SMARCB1: variants seen among roughly 807,000 people sequenced by gnomAD.
SMARCB1 encodes SWI/SNF related BAF chromatin remodeling complex subunit B1.
In SMARCB1, 5 loss-of-function variants were observed where a neutral mutation model predicts 49.0. That is an observed-to-expected ratio of 0.10 (90% CI 0.05 to 0.21). The LOEUF is 0.21. SMARCB1 is among the 10% of genes least tolerant of loss of function. The pLI, the probability that SMARCB1 is intolerant of heterozygous loss-of-function variation, is 1.00. For synonymous variants in SMARCB1, 201 were observed against 200.1 expected (o/e 1.00, Z -0.04); for missense variants, 226 against 509.2 (o/e 0.44, Z 5.35).
rs60395755 is a variant in SMARCB1 at position 23,837,334 on chromosome 22, C to T, written c.*3154C>T. On this transcript the variant is annotated 3_prime_UTR_variant, in exon 9 of 9. Coordinates refer to ENST00000644036, the MANE Select transcript of SMARCB1 (RefSeq NM_003073.5). ...GGCCGTGAAGGACAAGCTTAAAAGG[C>T]CCAGAAGCAGGCAGGACCCAGGGAG... 1.8e-3 allele frequency: 1,432 copies of T among 813,902 alleles called. 13 individuals are homozygous for T. The African/African-American group carries it at 0.021, about 12-fold the overall frequency. 50.4% of individuals were successfully genotyped at this position (813,902 alleles called of 1,614,324 possible).
At chr22:23,833,154 ATC>A (rs1363662102) in intron 7 of SMARCB1, among the ~76,000 whole-genome samples, 2 of 152,028 alleles carry the variant, frequency 1.3e-5, no homozygotes, top group African/African-American at 2.4e-5. Flanking sequence ...CCTTTCCCTG[ATC>A]AGTGGGCCCT....
intron 5 of SMARCB1, among the ~76,000 whole-genome samples, chr22:23,805,156 G>A (rs561141650): frequency 3.3e-5 from 5 of 152,324 alleles, no homozygotes; most frequent in African/African-American, 1.2e-4. Flanking sequence ...GCTCAGCCCT[G>A]AGAAGAAGGC....
At chr22:23,788,169 C>T (rs1928132727) in intron 1 of SMARCB1, among the ~76,000 whole-genome samples, 1 of 152,122 alleles carries the variant, frequency 6.6e-6, no homozygotes, top group South Asian at 2.1e-4. Context: ...CCACCACACC[C>T]GGCCATATAT....
At chr22:23,796,830 G>C (rs1928778604) in intron 3 of SMARCB1, among the ~76,000 whole-genome samples, 1 of 152,110 alleles carries the variant, frequency 6.6e-6, no homozygotes, top group Non-Finnish European at 1.5e-5. Flanking sequence ...TTTAGGGGTG[G>C]GGGCTGGCAG....
intron 5 of SMARCB1, chr22:23,803,724 A>C: frequency 2.1e-6 from 1 of 468,008 alleles, no homozygotes; most frequent in Non-Finnish European, 4.0e-6. Context: ...AGTCAGACCT[A>C]GTTCAGCCCC....
At chr22:23,787,319 C>G (rs1928056621) in intron 1 of SMARCB1, 57 bp downstream of exon 1, 2 of 1,093,396 alleles carry the variant, frequency 1.8e-6, no homozygotes, top group Admixed American at 1.9e-5. Flanking sequence ...AGCCCCGGGG[C>G]GGGCCCATGC....
Position 23,834,897 on chromosome 22 carries a change from C to G in SMARCB1, c.*717C>G, listed in dbSNP as rs1256463091. The G allele has an allele frequency of 3.7e-6, 6 of 1,611,896 alleles. No homozygotes were observed. The Middle Eastern group carries it at 6.6e-4, about 178-fold the overall frequency. On this transcript the variant is annotated 3_prime_UTR_variant, in exon 9 of 9. Coordinates refer to ENST00000644036, the MANE Select transcript of SMARCB1 (RefSeq NM_003073.5). The stretch of plus-strand genomic sequence containing the variant: ...GCTCTGCTGTGTCCAGATGGTCAGG[C>G]TACTGCCAGCTGGGGCCTTGCTGCT...
At chr22:23,793,516 A>G (rs201689575) in intron 2 of SMARCB1, 43 bp from the exon 3 acceptor site, 10 of 1,611,388 alleles carry the variant, frequency 6.2e-6, no homozygotes, top group South Asian at 2.2e-5. Flanking sequence ...GCTGTGTGCC[A>G]CCGCCACCAG....
intron 3 of SMARCB1, among the ~76,000 whole-genome samples, chr22:23,794,747 A>T (rs1928631755): frequency 6.6e-6 from 1 of 152,110 alleles, no homozygotes; most frequent in Non-Finnish European, 1.5e-5. Context: ...AAAAATACAA[A>T]ATTAGCCAGG....
chr22:23,821,228 G>C (rs531468506), intron 6 of SMARCB1, among the ~76,000 whole-genome samples: 4 of 152,360 alleles, frequency 2.6e-5, no homozygotes, highest in Non-Finnish European at 4.4e-5. Context: ...GGTCAGACCA[G>C]ATGTCACAGG....
intron 3 of SMARCB1, among the ~76,000 whole-genome samples, chr22:23,798,348 G>A (rs954732092): frequency 6.6e-6 from 1 of 152,280 alleles, no homozygotes; most frequent in African/African-American, 2.4e-5. Flanking sequence ...AGGATTGCTT[G>A]AGCCCAGGAG....
chr22:23,834,047 C>T, intron 8 of SMARCB1, 94 bp from the exon 9 acceptor site: 1 of 1,352,552 alleles, frequency 7.4e-7, no homozygotes, highest in Non-Finnish European at 1.0e-6. Context: ...TCTGTTCCCA[C>T]CCCTACACTT....
At position 23,808,939 on chromosome 22, in the gene SMARCB1, C is replaced by T. The variant is rs1255233833; in HGVS notation, c.628+5517C>T. The stretch of plus-strand genomic sequence containing the variant: ...CCTTGAACTCCCACCTCAGGTGATC[C>T]ACCCACCCTCGGCCTCCTAAAGTGC... On this transcript the variant is annotated intron_variant, in intron 5 of 8. Coordinates refer to ENST00000644036, the MANE Select transcript of SMARCB1 (RefSeq NM_003073.5). Among the ~76,000 whole-genome samples, 3 of 151,816 alleles carry T rather than the reference C, an allele frequency of 2.0e-5. No individual in the cohort carries two copies. In the East Asian group the frequency reaches 5.9e-4, roughly 30 times the overall value.
chr22:23,799,786 G>A (rs1362932388), intron 3 of SMARCB1, among the ~76,000 whole-genome samples: 1 of 146,614 alleles, frequency 6.8e-6, no homozygotes, highest in Non-Finnish European at 1.5e-5. Flanking sequence ...CCGGGTTCAC[G>A]CCATTCTCCT....
chr22:23,800,989 C>A lies in SMARCB1; in HGVS notation c.408C>A (p.Pro136=). The change falls in exon 4 of 9, where the codon CCC becomes CCA. Residue 136 remains proline, a synonymous_variant. Coordinates refer to ENST00000644036, the MANE Select transcript of SMARCB1 (RefSeq NM_003073.5). The part of the protein sequence containing the change: ...KRNSQWVPTL[P]NSSHHLDAVP... Reference sequence around the variant, plus strand: ...ACAGCCAGTGGGTACCCACCCTGCCCAACAGCTCCCACCACTTAGATGCCG... The same window carrying A: ...ACAGCCAGTGGGTACCCACCCTGCCAAACAGCTCCCACCACTTAGATGCCG... 6.2e-7 allele frequency: 1 copy of A among 1,614,170 alleles called. No individual in the cohort carries two copies. The highest frequency in any genetic ancestry group is 1.1e-5 in the South Asian group (1 of 91,086).
chr22:23,805,395 G>T (rs1375606850), intron 5 of SMARCB1, among the ~76,000 whole-genome samples: 1 of 152,212 alleles, frequency 6.6e-6, no homozygotes, highest in African/African-American at 2.4e-5. Context: ...TGTTATCTCT[G>T]CCAAGCTCCC....
intron 3 of SMARCB1, among the ~76,000 whole-genome samples, chr22:23,794,685 G>A (rs1487543219): frequency 6.6e-6 from 1 of 152,196 alleles, no homozygotes; most frequent in Non-Finnish European, 1.5e-5. Context: ...GATCACCTGA[G>A]GTCAGGAGTT....
chr22:23,812,410 G>A (rs57690130), intron 5 of SMARCB1, among the ~76,000 whole-genome samples: 2 of 152,104 alleles, frequency 1.3e-5, no homozygotes, highest in African/African-American at 4.8e-5. Flanking sequence ...TGACGAATGA[G>A]TTAACACCAA....
Position 23,834,567 on chromosome 22 carries a change from A to G in SMARCB1, c.*387A>G, listed in dbSNP as rs368115976. 1 of 684,184 alleles carries G rather than the reference A, an allele frequency of 1.5e-6. No homozygotes were observed. 42.4% of individuals were successfully genotyped at this position (684,184 alleles called of 1,614,324 possible). On this transcript the variant is annotated 3_prime_UTR_variant, in exon 9 of 9. Transcript: ENST00000644036. Reference sequence around the variant, plus strand: ...TTTTAACATAAAAATAATGAGAGCCAGGAGTGGGGCCGGGGCCTGGGGGGA... The same window carrying G: ...TTTTAACATAAAAATAATGAGAGCCGGGAGTGGGGCCGGGGCCTGGGGGGA...
Sources: gnomAD v4.1 joint callset for allele counts (sites outside exome capture counted in the v4.1 genomes callset) on GRCh38, gnomAD v4.1.1 for gene constraint, MANE v1.5 for transcripts, NCBI Gene and HGNC (gene_info 2026-07-23, HGNC 2026-07-21) for gene names.